The following CADM2 variants were observed in gnomAD, a reference collection of about 807,000 sequenced individuals.
CADM2 encodes immunoglobulin superfamily member 4D.
Under a neutral mutation model 49.8 loss-of-function variants are expected in CADM2, and 12 were observed. That is an observed-to-expected ratio of 0.24 (90% confidence interval 0.15 to 0.39). CADM2 has a LOEUF of 0.39. Among genes scored for constraint, CADM2 ranks in the 10% least tolerant of loss-of-function variants. The pLI is 1.00. For missense variants in CADM2, 378 were observed against 492.3 expected (o/e 0.77, Z 2.20); for synonymous variants, 214 against 175.4 (o/e 1.22, Z -1.74).
intron 1 of CADM2, among the ~76,000 whole-genome samples, chr3:85,659,433 A>C (rs1329706883): frequency 6.6e-6 from 1 of 152,074 alleles, no homozygotes; most frequent in African/African-American, 2.4e-5. Flanking sequence ...CAATAAAAGT[A>C]CTGGGTTAAA....
intron 8 of CADM2, chr3:85,994,638 T>G (rs1729149345): frequency 6.6e-6 from 1 of 152,162 alleles, no homozygotes; most frequent in South Asian, 2.1e-4. Flanking sequence ...GTGTGCCACC[T>G]CCTTTCATTT....
At chr3:85,909,174 TC>T (rs1303795983) in intron 5 of CADM2, among the ~76,000 whole-genome samples, 1 of 152,238 alleles carries the variant, frequency 6.6e-6, no homozygotes, top group East Asian at 1.9e-4. Flanking sequence ...ATATATTCTC[TC>T]CCAGTCAGTT....
At chr3:85,749,783 CT>C (rs1220292806) in intron 2 of CADM2, among the ~76,000 whole-genome samples, 1 of 151,880 alleles carries the variant, frequency 6.6e-6, no homozygotes, top group African/African-American at 2.4e-5. Flanking sequence ...TCTACCATTC[CT>C]TTTGTTTTAT....
At chr3:85,463,421 T>A (rs1170896744) in intron 1 of CADM2, among the ~76,000 whole-genome samples, 1 of 152,156 alleles carries the variant, frequency 6.6e-6, no homozygotes, top group Non-Finnish European at 1.5e-5. Context: ...TTTCAAGGAA[T>A]GCATTTAAGT....
intron 1 of CADM2, among the ~76,000 whole-genome samples, chr3:85,379,618 G>A (rs973740638): frequency 6.6e-6 from 1 of 151,906 alleles, no homozygotes; most frequent in Non-Finnish European, 1.5e-5. Flanking sequence ...CAAGGGAAAA[G>A]CATCCCAGTA....
At chr3:85,577,488 G>C (rs1257562567) in intron 1 of CADM2, among the ~76,000 whole-genome samples, 1 of 152,138 alleles carries the variant, frequency 6.6e-6, no homozygotes, top group African/African-American at 2.4e-5. Context: ...GCCTTCAGCA[G>C]ATGCAGCCCC....
At chr3:86,062,638 A>C (rs937250046) in intron 8 of CADM2, among the ~76,000 whole-genome samples, 1 of 145,696 alleles carries the variant, frequency 6.9e-6, no homozygotes, top group Non-Finnish European at 1.5e-5. Flanking sequence ...AAATTAGCCG[A>C]GGCTAATTAG....
chr3:85,278,534 A>G (rs2106876620), intron 1 of CADM2, among the ~76,000 whole-genome samples: 1 of 151,632 alleles, frequency 6.6e-6, no homozygotes, highest in South Asian at 2.1e-4. Context: ...CTTTTCTTCC[A>G]AAATATATCA....
intron 1 of CADM2, among the ~76,000 whole-genome samples, chr3:85,078,124 G>C (rs927770968): frequency 1.3e-5 from 2 of 152,010 alleles, no homozygotes; most frequent in African/African-American, 4.8e-5. Flanking sequence ...CTGGGAAAAA[G>C]TCATTTAGTA....
chr3:85,406,811 T>C (rs1360513070), intron 1 of CADM2, among the ~76,000 whole-genome samples: 1 of 152,200 alleles, frequency 6.6e-6, no homozygotes, highest in Non-Finnish European at 1.5e-5. Flanking sequence ...ACCTCTTGAC[T>C]GCTGCTTACC....
chr3:86,025,035 T>G (rs775300189), intron 8 of CADM2, among the ~76,000 whole-genome samples: 4 of 149,192 alleles, frequency 2.7e-5, no homozygotes, highest in Non-Finnish European at 5.9e-5. Context: ...TGCACCACTA[T>G]GCCTGACTAG....
At chr3:84,989,810 A>T (rs1223077470) in intron 1 of CADM2, among the ~76,000 whole-genome samples, 1 of 152,058 alleles carries the variant, frequency 6.6e-6, no homozygotes, top group Admixed American at 6.6e-5. Context: ...TGCTTGTCAC[A>T]TGATAAGGAC....
intron 1 of CADM2, among the ~76,000 whole-genome samples, chr3:85,365,029 G>C (rs566612202): frequency 6.5e-4 from 99 of 151,958 alleles, no homozygotes; most frequent in Non-Finnish European, 1.1e-3. Flanking sequence ...GATCTTTTAT[G>C]TTCTTAATCA....
intron 3 of CADM2, among the ~76,000 whole-genome samples, chr3:85,821,389 A>T (rs1471976183): frequency 6.6e-6 from 1 of 152,128 alleles, no homozygotes; most frequent in East Asian, 1.9e-4. Context: ...CTCTAAGAAC[A>T]CCTGCAAGTT....
At chr3:85,091,935 A>C (rs2037612475) in intron 1 of CADM2, among the ~76,000 whole-genome samples, 1 of 152,156 alleles carries the variant, frequency 6.6e-6, no homozygotes, top group Admixed American at 6.6e-5. Context: ...ATTGTAGAAA[A>C]GTTGTAGCAA....
At chr3:85,071,678 G>C (rs17022410) in intron 1 of CADM2, among the ~76,000 whole-genome samples, 11,434 of 152,014 alleles carry the variant, frequency 0.075, 495 homozygotes, top group East Asian at 0.15. Flanking sequence ...TTTTTAAAAG[G>C]GAGAGTGGAT....
At chr3:85,596,208 A>C (rs1175805715) in intron 1 of CADM2, among the ~76,000 whole-genome samples, 1 of 151,766 alleles carries the variant, frequency 6.6e-6, no homozygotes, top group Non-Finnish European at 1.5e-5. Context: ...TGTTCAATTA[A>C]GAGTAATTCA....
At chr3:85,958,769 G>A (rs538035481) in intron 7 of CADM2, among the ~76,000 whole-genome samples, 1 of 152,010 alleles carries the variant, frequency 6.6e-6, no homozygotes, top group South Asian at 2.1e-4. Flanking sequence ...AAAGCTGGAA[G>A]CCATCATCCT....
chr3:85,801,999 CATTTT>C, intron 2 of CADM2, 43 bp from the exon 3 acceptor site: 1 of 1,360,454 alleles, frequency 7.4e-7, no homozygotes, highest in South Asian at 1.8e-5. Context: ...GGCAGTTAAT[CATTTT>C]ATGACTTTCA....
Sources: allele counts gnomAD v4.1 joint callset (sites outside exome capture counted in the v4.1 genomes callset), GRCh38; gene constraint gnomAD v4.1.1; transcripts MANE v1.5; gene names NCBI Gene and HGNC (gene_info 2026-07-23, HGNC 2026-07-21).